Variants in VPS13A observed in about 807,000 individuals in gnomAD.
VPS13A encodes intermembrane lipid transfer protein VPS13A.
In VPS13A, 264 loss-of-function variants were observed where a neutral mutation model predicts 390.9. The observed-to-expected ratio is 0.68, with a 90% confidence interval of 0.61 to 0.75. VPS13A has a LOEUF of 0.75. VPS13A is among the 30% of genes least tolerant of loss of function. The pLI is 0.00. For synonymous variants in VPS13A, 1,231 were observed against 1,227.1 expected, an observed-to-expected ratio of 1.00 and a Z score of -0.07; for missense variants, 3,409 against 3,733.9, an observed-to-expected ratio of 0.91 and a Z score of 2.27.
intron 23 of VPS13A, among the ~76,000 whole-genome samples, chr9:77,269,263 A>T (rs1376108829): frequency 2.6e-5 from 4 of 151,920 alleles, no homozygotes; most frequent in Admixed American, 6.6e-5. Context: ...TTGTGATGGG[A>T]TCCTCTTTCT....
chr9:77,406,375 C>T (rs1469611246), intron 70 of VPS13A, among the ~76,000 whole-genome samples: 1 of 151,992 alleles, frequency 6.6e-6, no homozygotes, highest in African/African-American at 2.4e-5. Flanking sequence ...TGATTTCTTC[C>T]CCTTCCCCCT....
At chr9:77,405,618 G>A (rs1834565081) in intron 69 of VPS13A, among the ~76,000 whole-genome samples, 1 of 152,094 alleles carries the variant, frequency 6.6e-6, no homozygotes, top group South Asian at 2.1e-4. Flanking sequence ...GGATTATTTG[G>A]AAGTGTTACT....
At chr9:77,369,811 A>T (rs1392242344) in intron 63 of VPS13A, among the ~76,000 whole-genome samples, 1 of 152,242 alleles carries the variant, frequency 6.6e-6, no homozygotes, top group African/African-American at 2.4e-5. Context: ...TTTTCCCAAA[A>T]GACTCCTACT....
chr9:77,311,368 A>C (rs1055336537), intron 35 of VPS13A, among the ~76,000 whole-genome samples: 3 of 152,244 alleles, frequency 2.0e-5, no homozygotes, highest in Non-Finnish European at 4.4e-5. Flanking sequence ...AGCAATAAGG[A>C]CATTACTTTT....
intron 32 of VPS13A, 129 bp downstream of exon 32, chr9:77,293,637 A>C (rs1827803010): frequency 2.2e-6 from 1 of 461,590 alleles, no homozygotes; most frequent in African/African-American, 2.0e-5. Flanking sequence ...TCTGGGTACC[A>C]TTTATTATAC....
In VPS13A at chr9:77,177,568, C is replaced by G; in HGVS notation, c.-137C>G. 6 of 759,488 alleles carry G rather than the reference C, an allele frequency of 7.9e-6. No individual in the cohort carries two copies. Among genetic ancestry groups the G allele is most frequent in the Non-Finnish European group, 1.1e-5 (5 of 444,718 alleles). The allele number at this position is 759,488 out of a possible 1,614,324, so 47.0% of individuals were successfully genotyped here. A position where few individuals can be genotyped will look rare whatever the true frequency, so the allele number is the denominator to read the frequency against. On this transcript the variant is annotated 5_prime_UTR_variant, in exon 1 of 72. Coordinates refer to ENST00000360280, the MANE Select transcript of VPS13A (RefSeq NM_033305.3). Reference sequence around the variant, plus strand: ...TCTCGCTGGGCTCGCTAGGGCTGCGCGTTGGGCCAGCGGGGGCGCCGCAGC... The same window carrying G: ...TCTCGCTGGGCTCGCTAGGGCTGCGGGTTGGGCCAGCGGGGGCGCCGCAGC...
chr9:77,200,460 G>T (rs935480446), intron 2 of VPS13A, among the ~76,000 whole-genome samples: 15 of 152,206 alleles, frequency 9.9e-5, no homozygotes, highest in African/African-American at 3.6e-4. Flanking sequence ...CTGCACTCCA[G>T]CCTGGGTGAC....
chr9:77,200,968 G>A (rs2131106938), intron 2 of VPS13A, among the ~76,000 whole-genome samples: 1 of 152,218 alleles, frequency 6.6e-6, no homozygotes, highest in Non-Finnish European at 1.5e-5. Context: ...TTTGAATGGG[G>A]AGAACGTTTT....
chr9:77,364,466 C>T (rs1210383864), intron 59 of VPS13A, among the ~76,000 whole-genome samples: 2 of 151,986 alleles, frequency 1.3e-5, no homozygotes, highest in African/African-American at 4.8e-5. Context: ...TAAAGGAAGC[C>T]CCCGCCTCAC....
intron 22 of VPS13A, among the ~76,000 whole-genome samples, chr9:77,255,235 T>C (rs536139853): frequency 6.6e-6 from 1 of 152,274 alleles, no homozygotes; most frequent in East Asian, 1.9e-4. Flanking sequence ...TTCTGTGCTT[T>C]GAGATGATCA....
Position 77,392,260 on chromosome 9 carries a change from A to G in VPS13A, c.9189+10173A>G, listed in dbSNP as rs191611361. ...GTTTGTGAGATATCTAAATCCATATACCAATGAACGGTTAAAATGAGATCC... is the reference window on the plus strand; with the variant it reads ...GTTTGTGAGATATCTAAATCCATATGCCAATGAACGGTTAAAATGAGATCC... On this transcript the variant is annotated intron_variant, in intron 68 of 71. Transcript: ENST00000360280. Among the ~76,000 whole-genome samples the G allele has an allele frequency of 9.9e-5, 15 of 152,268 alleles. No homozygotes were observed. The East Asian group carries it at 2.5e-3, about 25-fold the overall frequency.
chr9:77,211,033 T>C (rs978224380), intron 7 of VPS13A, among the ~76,000 whole-genome samples: 14 of 152,320 alleles, frequency 9.2e-5, no homozygotes, highest in Middle Eastern at 3.4e-3. Context: ...TTTTTCTCAA[T>C]ATCATTATTA....
At chr9:77,326,444 T>G (rs1363361956) in intron 45 of VPS13A, among the ~76,000 whole-genome samples, 2 of 152,110 alleles carry the variant, frequency 1.3e-5, no homozygotes, top group African/African-American at 4.8e-5. Flanking sequence ...ATTTTTACTT[T>G]TAGCTTTTTC....
chr9:77,249,893 A>G (rs1031187621), intron 20 of VPS13A, among the ~76,000 whole-genome samples: 1 of 152,208 alleles, frequency 6.6e-6, no homozygotes, highest in Non-Finnish European at 1.5e-5. Context: ...TGGGAAATAT[A>G]TCCTAATATG....
intron 31 of VPS13A, among the ~76,000 whole-genome samples, chr9:77,284,441 G>T (rs190711817): frequency 6.6e-6 from 1 of 152,204 alleles, no homozygotes; most frequent in East Asian, 1.9e-4. Context: ...TATTTAGTGG[G>T]ATAGAAAAAC....
In VPS13A at chr9:77,293,466, C is replaced by A; in HGVS notation, c.3465C>A (p.Cys1155Ter). Reference protein sequence around the residue: ...VDIQVNLIVGCIEVVFVTKFL... With the variant: ...VDIQVNLIVG ...TTCAGGTTAATTTAATAGTTGGTTGCATTGAAGTAGTTTTTGTCACGAAAT... is the reference window on the plus strand; with the variant it reads ...TTCAGGTTAATTTAATAGTTGGTTGAATTGAAGTAGTTTTTGTCACGAAAT... The change falls in exon 32 of 72, where the codon TGC (cysteine) becomes TGA (stop). Residue 1155 changes from cysteine to a stop codon, truncating the protein, a stop_gained. Transcript: ENST00000360280. LOFTEE classifies it high-confidence loss of function. 2 of 1,599,292 alleles carry A rather than the reference C, an allele frequency of 1.3e-6. No individual in the cohort carries two copies. The highest frequency in any genetic ancestry group is 1.7e-6 in the Non-Finnish European group (2 of 1,173,362).
intron 58 of VPS13A, among the ~76,000 whole-genome samples, chr9:77,360,195 A>G (rs1832061196): frequency 6.6e-6 from 1 of 152,096 alleles, no homozygotes; most frequent in African/African-American, 2.4e-5. Flanking sequence ...TCAGGCCGGA[A>G]ATAGATGTTG....
At chr9:77,208,578 C>A (rs1825804876) in intron 5 of VPS13A, among the ~76,000 whole-genome samples, 1 of 151,922 alleles carries the variant, frequency 6.6e-6, no homozygotes, top group Non-Finnish European at 1.5e-5. Context: ...GAGACAAAGT[C>A]TCACTTTGTC....
At position 77,337,530 on chromosome 9, in the gene VPS13A, A is replaced by G. The variant is rs370288459; in HGVS notation, c.6371A>G (p.Tyr2124Cys). ...RNLLPYKIAY[Y>C]IEGIENSVFT... is the part of the protein sequence containing the mutation. ...CTTCTTCCTTACAAAATTGCTTATT[A>G]TATAGAGGTATCGGCAAACTGATTT... The change falls in exon 47 of 72, where the codon TAT becomes TGT. Residue 2124 changes from tyrosine (Y) to cysteine (C), a missense_variant. Tyr to Cys is a radical substitution (Grantham distance 194, BLOSUM62 -2). Transcript: ENST00000360280. 5.0e-5 allele frequency: 81 copies of G among 1,611,560 alleles called. No individual in the cohort carries two copies. Among genetic ancestry groups the G allele is most frequent in the Non-Finnish European group, 6.4e-5 (75 of 1,178,826 alleles).
Sources: gnomAD v4.1 joint callset for allele counts (sites outside exome capture counted in the v4.1 genomes callset) on GRCh38, gnomAD v4.1.1 for gene constraint, MANE v1.5 for transcripts, NCBI Gene and HGNC (gene_info 2026-07-23, HGNC 2026-07-21) for gene names.